Variants in FGF12 observed in about 807,000 individuals in gnomAD.
The protein encoded by FGF12 is fibroblast growth factor 12B.
In FGF12, 14 loss-of-function variants were observed where a neutral mutation model predicts 23.6. That is an observed-to-expected ratio of 0.59 (90% confidence interval 0.39 to 0.93). The LOEUF is 0.93. FGF12 is among the 40% of genes least tolerant of loss of function. The pLI, the probability that FGF12 is intolerant of heterozygous loss-of-function variation, is 0.00. For missense variants in FGF12, 175 were observed against 217.8 expected (o/e 0.80, Z 1.24); for synonymous variants, 62 against 77.3 (o/e 0.80, Z 1.04).
intron 2 of FGF12, among the ~76,000 whole-genome samples, chr3:192,668,513 C>A (rs1018017479): frequency 1.1e-4 from 17 of 152,108 alleles, no homozygotes; most frequent in African/African-American, 3.9e-4. Flanking sequence ...GGTCTGTGGC[C>A]AGAAATGTGC....
At chr3:192,296,986 T>C (rs760628444) in intron 4 of FGF12, among the ~76,000 whole-genome samples, 2 of 152,202 alleles carry the variant, frequency 1.3e-5, no homozygotes, top group Non-Finnish European at 2.9e-5. Flanking sequence ...TGCCCACAAA[T>C]GAGAACCGAA....
chr3:192,203,436 G>A (rs1471006614), intron 4 of FGF12, among the ~76,000 whole-genome samples: 1 of 152,028 alleles, frequency 6.6e-6, no homozygotes, highest in Non-Finnish European at 1.5e-5. Context: ...GATTTGGAAG[G>A]CCATGCTAAA....
intron 4 of FGF12, among the ~76,000 whole-genome samples, chr3:192,203,452 C>A (rs935020714): frequency 2.0e-5 from 3 of 151,970 alleles, no homozygotes; most frequent in Non-Finnish European, 4.4e-5. Context: ...CTAAACTCTT[C>A]TGTAAATATC....
intron 2 of FGF12, among the ~76,000 whole-genome samples, chr3:192,439,704 T>A (rs139487045): frequency 2.6e-5 from 4 of 152,052 alleles, no homozygotes; most frequent in Non-Finnish European, 5.9e-5. Flanking sequence ...TGGCCAGGCG[T>A]GGTGGCTCAC....
intron 2 of FGF12, among the ~76,000 whole-genome samples, chr3:192,552,424 A>T (rs1711570078): frequency 6.6e-6 from 1 of 152,232 alleles, no homozygotes; most frequent in Admixed American, 6.5e-5. Flanking sequence ...ATTACCCTCC[A>T]GATTCAAGAC....
intron 2 of FGF12, among the ~76,000 whole-genome samples, chr3:192,492,532 C>T (rs71312496): frequency 4.4e-4 from 66 of 151,702 alleles, no homozygotes; most frequent in Non-Finnish European, 6.8e-4. Context: ...TCCCAAAGCA[C>T]GGTATACAAA....
intron 2 of FGF12, among the ~76,000 whole-genome samples, chr3:192,664,508 G>C (rs1012297899): frequency 2.0e-5 from 3 of 151,510 alleles, no homozygotes; most frequent in African/African-American, 7.3e-5. Context: ...CAGCACTTTG[G>C]GAGGCCAAGG....
chr3:192,367,886 C>T (rs1204610819), intron 2 of FGF12, among the ~76,000 whole-genome samples: 1 of 152,098 alleles, frequency 6.6e-6, no homozygotes, highest in Non-Finnish European at 1.5e-5. Flanking sequence ...TCAGCAGCTA[C>T]CTTGCTGAGG....
chr3:192,173,806 T>C (rs1413722998), intron 4 of FGF12, among the ~76,000 whole-genome samples: 1 of 152,212 alleles, frequency 6.6e-6, no homozygotes, highest in African/African-American at 2.4e-5. Context: ...TCGTCATATA[T>C]GTAGATGGTG....
At chr3:192,346,625 C>T (rs1243668847) in intron 3 of FGF12, among the ~76,000 whole-genome samples, 4 of 152,218 alleles carry the variant, frequency 2.6e-5, no homozygotes, top group Non-Finnish European at 4.4e-5. Context: ...GTAACTAGAA[C>T]GCAGTTGGCC....
chr3:192,436,099 T>G (rs891981799), intron 2 of FGF12, among the ~76,000 whole-genome samples: 11 of 152,090 alleles, frequency 7.2e-5, no homozygotes, highest in Admixed American at 2.6e-4. Context: ...GGGTTGGAGC[T>G]CTGAAGGAAA....
intron 4 of FGF12, among the ~76,000 whole-genome samples, chr3:192,221,058 G>A (rs1019415727): frequency 6.6e-6 from 1 of 152,206 alleles, no homozygotes; most frequent in African/African-American, 2.4e-5. Flanking sequence ...AAAGGGAAGA[G>A]TACTGGTAAC....
At chr3:192,163,611 T>C (rs1040614995) in intron 5 of FGF12, among the ~76,000 whole-genome samples, 1 of 152,120 alleles carries the variant, frequency 6.6e-6, no homozygotes, top group East Asian at 1.9e-4. Context: ...TTTAAACCTA[T>C]AGAGTCCTAG....
intron 2 of FGF12, among the ~76,000 whole-genome samples, chr3:192,580,411 A>AT (rs573777069): frequency 3.3e-5 from 5 of 152,066 alleles, no homozygotes; most frequent in African/African-American, 9.7e-5. Flanking sequence ...CAACTCAATA[A>AT]TTTTTTTAGG....
rs530665419 is a variant in FGF12, at chr3:192,588,306, C to T, written c.13+138875G>A. Among the ~76,000 whole-genome samples the T allele has an allele frequency of 6.6e-5, 9 of 135,838 alleles. 1 individual carries two copies. The highest frequency in any genetic ancestry group is 2.4e-4 in the South Asian group (1 of 4,148). The allele number at this position is 135,838 out of a possible 152,430, so 89.1% of individuals were successfully genotyped here. A position where few individuals can be genotyped will look rare whatever the true frequency, so the allele number is the denominator to read the frequency against. ...CGGAGCTTGCAGTGAGCCGAGATCG[C>T]GCCACTGCACTCCAGCCTGGGCGAC... On this transcript the variant is annotated intron_variant, in intron 2 of 5. Transcript: ENST00000445105.
chr3:192,338,440 G>T (rs986536067), intron 3 of FGF12, among the ~76,000 whole-genome samples: 4 of 152,160 alleles, frequency 2.6e-5, no homozygotes, highest in African/African-American at 7.2e-5. Context: ...GCAACCAGAT[G>T]TAGGTCCTAT....
chr3:192,689,098 C>T lies in FGF12; in HGVS notation c.13+38083G>A, dbSNP rs539218593. Among the ~76,000 whole-genome samples, 8 of 151,750 alleles carry T rather than the reference C, an allele frequency of 5.3e-5. No individual in the cohort carries two copies. In the East Asian group the frequency reaches 9.7e-4, roughly 18 times the overall value. On this transcript the variant is annotated intron_variant, in intron 2 of 5. Coordinates refer to ENST00000445105, the MANE Select transcript of FGF12 (RefSeq NM_004113.6). ...GATGGAAGGGGTATATGGATGTTGG[C>T]GATAAAGTAAGGTTGGTTAATAGGT...
At chr3:192,419,625 G>A (rs1721459409) in intron 2 of FGF12, among the ~76,000 whole-genome samples, 1 of 152,140 alleles carries the variant, frequency 6.6e-6, no homozygotes, top group African/African-American at 2.4e-5. Flanking sequence ...TGCTGGGGGT[G>A]GAGAGTGAAT....
chr3:192,678,177 G>T (rs769777039), intron 2 of FGF12, among the ~76,000 whole-genome samples: 5 of 152,120 alleles, frequency 3.3e-5, no homozygotes, highest in Non-Finnish European at 5.9e-5. Context: ...ACTTATTATT[G>T]TGTGCTCATC....
Sources: allele counts gnomAD v4.1 joint callset (sites outside exome capture counted in the v4.1 genomes callset), GRCh38; gene constraint gnomAD v4.1.1; transcripts MANE v1.5; gene names NCBI Gene and HGNC (gene_info 2026-07-23, HGNC 2026-07-21).